ATXN7: variants seen among roughly 807,000 people sequenced by gnomAD.
The protein encoded by ATXN7 is ataxin 7.
Under a neutral mutation model 70.5 loss-of-function variants are expected in ATXN7, and 12 were observed. That is an observed-to-expected ratio of 0.17 (90% confidence interval 0.11 to 0.28). The LOEUF (loss-of-function observed/expected upper bound fraction) is 0.28. Among genes scored for constraint, ATXN7 ranks in the 10% least tolerant of loss-of-function variants. The probability of loss-of-function intolerance (pLI) is 1.00; values close to 1 mark genes in which losing one functional copy is unlikely to be tolerated. For synonymous variants in ATXN7, 498 were observed against 448.7 expected (o/e 1.11, Z -1.39); for missense variants, 1,256 against 1,131.7 (o/e 1.11, Z -1.58).
chr3:63,863,477 A>G, upstream of ATXN7: 1 of 1,164,346 alleles, frequency 8.6e-7, no homozygotes, highest in South Asian at 4.4e-5. Context: ...GTGTGTTCCC[A>G]GCCCACCGAC....
intron 4 of ATXN7, among the ~76,000 whole-genome samples, chr3:63,938,923 G>T (rs867982811): frequency 3.3e-5 from 5 of 152,070 alleles, no homozygotes; most frequent in African/African-American, 1.2e-4. Flanking sequence ...ATCATTCTTG[G>T]AACCATATTT....
At chr3:63,883,197 C>G (rs147096670) in intron 1 of ATXN7, among the ~76,000 whole-genome samples, 2 of 152,176 alleles carry the variant, frequency 1.3e-5, no homozygotes, top group Non-Finnish European at 2.9e-5. Flanking sequence ...GGTGTGCTGC[C>G]TGGTGGATAG....
Position 64,003,405 on chromosome 3 carries a change from CTA to C in ATXN7, c.*3940_*3941del, listed in dbSNP as rs1190749510. 1.3e-5 allele frequency: 2 copies of C among 151,884 alleles called. No homozygotes were observed. Among genetic ancestry groups the C allele is most frequent in the African/African-American group, 2.4e-5 (1 of 41,384 alleles). 9.4% of individuals were successfully genotyped at this position (151,884 alleles called of 1,614,324 possible). On this transcript the variant is annotated 3_prime_UTR_variant, in exon 13 of 13. Transcript: ENST00000674280. ...ATTTAAAAGAGAAGAAATATATAGT[CTA>C]TTTGTTTTGTAACAAGTTTCTGTAA... is the stretch of plus-strand genomic sequence containing the variant.
intron 1 of ATXN7, chr3:63,866,735 T>C (rs1213966820): frequency 2.0e-5 from 3 of 152,248 alleles, no homozygotes; most frequent in East Asian, 1.9e-4. Flanking sequence ...AGAACATCTT[T>C]TAGTAAACTT....
Position 63,912,708 on chromosome 3 carries a change from A to AGCAGCAGCAGCAGCAGCAGCAGCC in ATXN7, c.118_119insAGCAGCAGCAGCAGCCGCAGCAGC (p.Gln39_Pro40insGlnGlnGlnGlnGlnProGlnGln). The AGCAGCAGCAGCAGCAGCAGCAGCC allele has an allele frequency of 8.3e-7, 1 of 1,197,692 alleles. No homozygotes were observed. The highest frequency in any genetic ancestry group is 1.7e-5 in the African/African-American group (1 of 59,948). 74.2% of individuals were successfully genotyped at this position (1,197,692 alleles called of 1,614,324 possible). On this transcript the variant is annotated inframe_insertion, in exon 3 of 13. Transcript: ENST00000674280. ...CGGCAGCAGCAGCAGCAGCAGCAGCAGCAGCAGCCGCCGCCTCCGCAGCCC... is the reference window on the plus strand; with the variant it reads ...CGGCAGCAGCAGCAGCAGCAGCAGCAGCAGCAGCAGCAGCAGCAGCAGCCGCAGCAGCCGCCGCCTCCGCAGCCC...
chr3:63,895,787 CTCTCTCTCTCTCTGTG>C (rs1322362250), intron 1 of ATXN7, among the ~76,000 whole-genome samples: 1 of 151,924 alleles, frequency 6.6e-6, no homozygotes, highest in African/African-American at 2.4e-5. Flanking sequence ...TTCTCTGTCT[CTCTCTCTCTCTCTGTG>C]TCTCTCTCTC....
At chr3:63,975,146 T>G (rs1432532717) in intron 5 of ATXN7, among the ~76,000 whole-genome samples, 14 of 152,260 alleles carry the variant, frequency 9.2e-5, no homozygotes, top group Non-Finnish European at 1.9e-4. Flanking sequence ...GAATGCATTT[T>G]CATTCTCAAA....
At chr3:63,949,740 T>A (rs1190601666) in intron 4 of ATXN7, among the ~76,000 whole-genome samples, 2 of 152,164 alleles carry the variant, frequency 1.3e-5, no homozygotes, top group Non-Finnish European at 2.9e-5. Flanking sequence ...TGGGTTTAAG[T>A]ATACCATGTT....
Position 64,003,187 on chromosome 3 carries a change from G to A in ATXN7, c.*3720G>A, listed in dbSNP as rs560989955. On this transcript the variant is annotated 3_prime_UTR_variant, in exon 13 of 13. Coordinates refer to ENST00000674280, the MANE Select transcript of ATXN7 (RefSeq NM_001377405.1). ...CTACATACTGTCAGTGTGAATGTAG[G>A]GCCTTGAAAGCATTTTGCTTTTTTT... 10 of 149,810 alleles carry A rather than the reference G, an allele frequency of 6.7e-5. No individual in the cohort carries two copies. The South Asian group carries it at 2.1e-3, about 32-fold the overall frequency. The allele number at this position is 149,810 out of a possible 1,614,324, so 9.3% of individuals were successfully genotyped here.
At chr3:63,993,746 G>A (rs148718753) in intron 11 of ATXN7, among the ~76,000 whole-genome samples, 1 of 152,234 alleles carries the variant, frequency 6.6e-6, no homozygotes, top group East Asian at 1.9e-4. Flanking sequence ...TCCTTTCCTC[G>A]AGATTTGGTT....
chr3:63,917,665 T>C (rs1363955245), intron 4 of ATXN7, among the ~76,000 whole-genome samples: 1 of 152,234 alleles, frequency 6.6e-6, no homozygotes, highest in Non-Finnish European at 1.5e-5. Flanking sequence ...CTCTGCATTA[T>C]GTGATGGCTC....
intron 12 of ATXN7, chr3:63,998,265 GAGC>G: frequency 1.0e-6 from 1 of 984,890 alleles, no homozygotes; most frequent in Non-Finnish European, 1.2e-6. Flanking sequence ...GGGGGACATG[GAGC>G]AGCTGCTTCC....
At chr3:63,957,488 A>G (rs1006013488) in intron 5 of ATXN7, among the ~76,000 whole-genome samples, 2 of 152,242 alleles carry the variant, frequency 1.3e-5, no homozygotes, top group South Asian at 4.1e-4. Context: ...TATTTAAATA[A>G]ATCAATTTAC....
At chr3:63,990,986 G>T in intron 11 of ATXN7, 127 bp downstream of exon 11, 1 of 1,394,124 alleles carries the variant, frequency 7.2e-7, no homozygotes, top group Non-Finnish European at 9.9e-7. Flanking sequence ...GCCCTGAGAA[G>T]AAGGTGCCTT....
At chr3:63,930,803 T>A (rs993311108) in intron 4 of ATXN7, among the ~76,000 whole-genome samples, 2 of 152,178 alleles carry the variant, frequency 1.3e-5, no homozygotes, top group Admixed American at 6.5e-5. Flanking sequence ...GTGCTGGGAT[T>A]ACAGGCATGA....
chr3:63,990,873 G>A lies in ATXN7; in HGVS notation c.1682+14G>A. The A allele has an allele frequency of 6.2e-7, 1 of 1,614,224 alleles. No homozygotes were observed. The highest frequency in any genetic ancestry group is 8.5e-7 in the Non-Finnish European group (1 of 1,180,030). ...ACAGCTATGGAAGTGAGTGCCTGTT[G>A]TTCTTGGGAGAGGAGCTGACTTTAC... On this transcript the variant is annotated intron_variant, in intron 11 of 12. Coordinates refer to ENST00000674280, the MANE Select transcript of ATXN7 (RefSeq NM_001377405.1).
chr3:63,963,827 C>A lies in ATXN7; in HGVS notation c.499+11344C>A, dbSNP rs114246379. Among the ~76,000 whole-genome samples the A allele has an allele frequency of 2.2e-3, 330 of 152,276 alleles. 2 individuals are homozygous for A. Among genetic ancestry groups the A allele is most frequent in the Non-Finnish European group, 1.9e-3 (128 of 68,032 alleles). ...ACAGCAGTACCCACTCTGGTACATA[C>A]ATACTTAATTACTGGTGGTTTAGTT... On this transcript the variant is annotated intron_variant, in intron 5 of 12. Coordinates refer to ENST00000674280, the MANE Select transcript of ATXN7 (RefSeq NM_001377405.1).
intron 1 of ATXN7, among the ~76,000 whole-genome samples, chr3:63,870,090 A>T (rs763822028): frequency 6.6e-6 from 1 of 152,196 alleles, no homozygotes; most frequent in Admixed American, 6.5e-5. Flanking sequence ...TTTGCCAGCC[A>T]TCCAGGTCTC....
intron 4 of ATXN7, among the ~76,000 whole-genome samples, chr3:63,947,007 C>T (rs2074875144): frequency 6.6e-6 from 1 of 152,102 alleles, no homozygotes; most frequent in African/African-American, 2.4e-5. Context: ...GGAGGTGATT[C>T]TGGGAGAATA....
Sources: allele counts gnomAD v4.1 joint callset (sites outside exome capture counted in the v4.1 genomes callset), GRCh38; gene constraint gnomAD v4.1.1; transcripts MANE v1.5; gene names NCBI Gene and HGNC (gene_info 2026-07-23, HGNC 2026-07-21).